XIRP2: variants seen among roughly 807,000 people sequenced by gnomAD.
XIRP2 encodes xin actin-binding repeat-containing protein 2.
A neutral mutation model predicts 277.0 loss-of-function variants in XIRP2; 236 were observed. That is an observed-to-expected ratio of 0.85 (90% confidence interval 0.77 to 0.95). The LOEUF is 0.95. XIRP2 is among the 40% of genes least tolerant of loss of function. The pLI is 0.00. For missense variants in XIRP2, 4,640 were observed against 4,157.5 expected, an observed-to-expected ratio of 1.12 and a Z score of -3.19; for synonymous variants, 1,490 against 1,416.5, an observed-to-expected ratio of 1.05 and a Z score of -1.17.
At position 167,243,857 on chromosome 2, in the gene XIRP2, A is replaced by G. The variant is rs202211196; in HGVS notation, c.2465A>G (p.Glu822Gly). ...FETQPLEKIK[E>G]SEEVIIEKEK... ...ACCCAACCTTTGGAGAAAATCAAAG[A>G]GTCAGAAGAGGTCATCATTGAAAAG... The change falls in exon 9 of 11, where the codon GAG becomes GGG. Residue 822 changes from glutamate to glycine, a missense_variant. By Grantham distance (98) the Glu-to-Gly change is moderately conservative. Coordinates refer to ENST00000409195, the MANE Select transcript of XIRP2 (RefSeq NM_152381.6). 520 of 1,614,016 alleles carry G rather than the reference A, an allele frequency of 3.2e-4. 6 individuals carry two copies. The highest frequency in any genetic ancestry group is 3.0e-3 in the South Asian group (269 of 91,074).
intron 2 of XIRP2, among the ~76,000 whole-genome samples, chr2:167,015,023 C>T (rs1200141554): frequency 1.1e-4 from 17 of 151,726 alleles, no homozygotes; most frequent in Non-Finnish European, 1.5e-5. Context: ...CAAACTAAAA[C>T]ATTTGTAGTG....
chr2:167,244,483 G>A lies in XIRP2; in HGVS notation c.3091G>A (p.Glu1031Lys), dbSNP rs143502096. Reference sequence around the variant, plus strand: ...AACAAGGCCCATTGACCAGTTTGATGAAAGCATTCATAAATTTCAAATAAT... The same window carrying A: ...AACAAGGCCCATTGACCAGTTTGATAAAAGCATTCATAAATTTCAAATAAT... ...FETRPIDQFD[E>K]SIHKFQIIRG... The change falls in exon 9 of 11, where the codon GAA (glutamate) becomes AAA (lysine). Residue 1031 changes from glutamate to lysine, a missense_variant. Coordinates refer to ENST00000409195, the MANE Select transcript of XIRP2 (RefSeq NM_152381.6). 1.7e-4 allele frequency: 270 copies of A among 1,613,764 alleles called. No individual in the cohort carries two copies. In the East Asian group the frequency reaches 5.4e-3, roughly 32 times the overall value.
chr2:166,937,947 T>C (rs1481577650), intron 2 of XIRP2, among the ~76,000 whole-genome samples: 3 of 152,152 alleles, frequency 2.0e-5, no homozygotes, highest in Non-Finnish European at 2.9e-5. Flanking sequence ...TGATATCCCC[T>C]TTATCATTTT....
intron 2 of XIRP2, among the ~76,000 whole-genome samples, chr2:166,995,764 G>T (rs72884620): frequency 0.045 from 6,821 of 152,246 alleles, 221 homozygotes; most frequent in Non-Finnish European, 0.068. Flanking sequence ...TATAAAATTT[G>T]TAGTAGGTGG....
chr2:166,972,292 G>A (rs1189664861), intron 2 of XIRP2, among the ~76,000 whole-genome samples: 1 of 152,062 alleles, frequency 6.6e-6, no homozygotes, highest in African/African-American at 2.4e-5. Flanking sequence ...TAGCCACCCA[G>A]GGTTTTTTTG....
chr2:167,229,348 A>G (rs1259015945), intron 5 of XIRP2, among the ~76,000 whole-genome samples: 1 of 152,154 alleles, frequency 6.6e-6, no homozygotes, highest in Non-Finnish European at 1.5e-5. Context: ...CTAATATGCT[A>G]ATTAAATTTA....
At chr2:166,957,034 C>A (rs905749833) in intron 2 of XIRP2, among the ~76,000 whole-genome samples, 3 of 151,760 alleles carry the variant, frequency 2.0e-5, no homozygotes, top group African/African-American at 7.3e-5. Flanking sequence ...TAATGTTACA[C>A]CCTCTTTAAA....
At chr2:166,916,270 C>G (rs528644852) in intron 2 of XIRP2, among the ~76,000 whole-genome samples, 2 of 152,096 alleles carry the variant, frequency 1.3e-5, no homozygotes, top group Non-Finnish European at 2.9e-5. Flanking sequence ...CTCCTTAAAC[C>G]CAGACATGTG....
intron 4 of XIRP2, among the ~76,000 whole-genome samples, chr2:167,212,759 G>A (rs535564430): frequency 2.5e-4 from 38 of 152,106 alleles, no homozygotes; most frequent in Non-Finnish European, 4.3e-4. Context: ...TATAGTATAT[G>A]GTTTGGCCCT....
chr2:167,053,585 C>T (rs1215330728), intron 2 of XIRP2, among the ~76,000 whole-genome samples: 1 of 151,932 alleles, frequency 6.6e-6, no homozygotes, highest in Non-Finnish European at 1.5e-5. Flanking sequence ...CAAATTCTGT[C>T]CATAGATATA....
intron 2 of XIRP2, among the ~76,000 whole-genome samples, chr2:167,092,399 C>A (rs970808288): frequency 6.6e-6 from 1 of 152,032 alleles, no homozygotes; most frequent in Admixed American, 6.6e-5. Flanking sequence ...ATGTCTCTGG[C>A]ACACCCTGAT....
intron 2 of XIRP2, among the ~76,000 whole-genome samples, chr2:166,922,139 G>A (rs1304895943): frequency 6.6e-6 from 1 of 152,130 alleles, no homozygotes; most frequent in Non-Finnish European, 1.5e-5. Context: ...CTTGATTCCA[G>A]TTTCCTTAGT....
Position 167,251,585 on chromosome 2 carries a change from G to T in XIRP2, c.10193G>T (p.Arg3398Leu). 1 of 1,613,530 alleles carries T rather than the reference G, an allele frequency of 6.2e-7. No individual in the cohort carries two copies. Among genetic ancestry groups the T allele is most frequent in the African/African-American group, 1.3e-5 (1 of 74,970 alleles). The change falls in exon 9 of 11, where the codon CGA (arginine) becomes CTA (leucine). Residue 3398 changes from arginine to leucine, a missense_variant. By Grantham distance (102) the Arg-to-Leu change is moderately radical. Coordinates refer to ENST00000409195, the MANE Select transcript of XIRP2 (RefSeq NM_152381.6). The stretch of plus-strand genomic sequence containing the variant: ...TCTTGCAAACATCCTAGAGAACTGC[G>T]AGAAAAGATTCCTGTTAAGCAGCCC... ...DFSCKHPREL[R>L]EKIPVKQPRI...
intron 3 of XIRP2, among the ~76,000 whole-genome samples, chr2:167,197,566 G>A (rs189389234): frequency 3.8e-4 from 57 of 151,916 alleles, no homozygotes; most frequent in African/African-American, 1.3e-3. Context: ...TATTAGGGAA[G>A]TCTCTGCCAC....
At chr2:167,132,626 G>A (rs932364722) in intron 2 of XIRP2, among the ~76,000 whole-genome samples, 3 of 151,684 alleles carry the variant, frequency 2.0e-5, no homozygotes, top group Non-Finnish European at 2.9e-5. Flanking sequence ...ATCTGCTCCC[G>A]GCCTGCCTCT....
chr2:167,061,674 A>G (rs533993364), intron 2 of XIRP2, among the ~76,000 whole-genome samples: 4 of 152,268 alleles, frequency 2.6e-5, no homozygotes, highest in South Asian at 2.1e-4. Flanking sequence ...TGGTATCTTT[A>G]TAAGAAGAAA....
intron 3 of XIRP2, among the ~76,000 whole-genome samples, chr2:167,157,519 C>T (rs1017492708): frequency 3.6e-4 from 55 of 152,164 alleles, no homozygotes; most frequent in African/African-American, 1.1e-3. Context: ...TGTATAATAG[C>T]TTGGAGGCTA....
intron 2 of XIRP2, among the ~76,000 whole-genome samples, chr2:166,933,228 AAGCTCC>A (rs545221554): frequency 9.3e-5 from 14 of 151,106 alleles, no homozygotes; most frequent in African/African-American, 3.4e-4. Flanking sequence ...GGCTCATTGC[AAGCTCC>A]ACCTCCCGGG....
chr2:166,901,316 G>A (rs925783634), intron 1 of XIRP2, among the ~76,000 whole-genome samples: 6 of 152,024 alleles, frequency 3.9e-5, no homozygotes, highest in Non-Finnish European at 8.8e-5. Context: ...AGGTTCCTAG[G>A]CAGTTCGCCT....
Sources: gnomAD v4.1 joint callset for allele counts (sites outside exome capture counted in the v4.1 genomes callset) on GRCh38, gnomAD v4.1.1 for gene constraint, MANE v1.5 for transcripts, NCBI Gene and HGNC (gene_info 2026-07-23, HGNC 2026-07-21) for gene names.